Variants in GATA4 observed in about 807,000 individuals in gnomAD.
GATA4 encodes GATA binding protein 4.
In GATA4, 7 loss-of-function variants were observed where a neutral mutation model predicts 37.9. The observed-to-expected ratio is 0.18, with a 90% CI of 0.11 to 0.35. The LOEUF (loss-of-function observed/expected upper bound fraction) is 0.35, where lower values mean the gene tolerates loss of function less well. GATA4 is among the 10% of genes least tolerant of loss of function. GATA4 has a pLI of 1.00. For missense variants in GATA4, 647 were observed against 653.0 expected (o/e 0.99, Z 0.10); for synonymous variants, 372 against 292.6 (o/e 1.27, Z -2.77).
At chr8:11,747,069 G>C (rs1483062908) in intron 2 of GATA4, among the ~76,000 whole-genome samples, 1 of 152,198 alleles carries the variant, frequency 6.6e-6, no homozygotes, top group African/African-American at 2.4e-5. Context: ...GCTGGGTCCT[G>C]TTGGAAAGAG....
chr8:11,688,784 G>T (rs565772685), upstream of GATA4, among the ~76,000 whole-genome samples: 1 of 152,172 alleles, frequency 6.6e-6, no homozygotes, highest in African/African-American at 2.4e-5. Flanking sequence ...CAGAAAATAA[G>T]ACAAAGAATT....
chr8:11,711,694 A>C (rs1008170021), intron 2 of GATA4, among the ~76,000 whole-genome samples: 1 of 146,012 alleles, frequency 6.8e-6, no homozygotes, highest in Non-Finnish European at 1.5e-5. Flanking sequence ...GGAGGCTCAC[A>C]TGAGCCCGAG....
intron 2 of GATA4, among the ~76,000 whole-genome samples, chr8:11,732,179 T>A (rs1328519592): frequency 6.6e-6 from 1 of 152,236 alleles, no homozygotes; most frequent in African/African-American, 2.4e-5. Flanking sequence ...GCAAATCAGA[T>A]TGGATTAAAG....
intron 2 of GATA4, among the ~76,000 whole-genome samples, chr8:11,723,993 C>A (rs1800799460): frequency 6.6e-6 from 1 of 152,190 alleles, no homozygotes; most frequent in Non-Finnish European, 1.5e-5. Context: ...CCTCCAGCCT[C>A]AGGCAGCCCC....
chr8:11,680,386 C>A, intron 1 of GATA4: 1 of 712,634 alleles, frequency 1.4e-6, no homozygotes, highest in Non-Finnish European at 1.7e-6. Flanking sequence ...CCCTCGGATT[C>A]ATTGCCACTT....
At position 11,755,111 on chromosome 8, in the gene GATA4, G is replaced by T. The variant is rs939153862; in HGVS notation, c.978G>T (p.Leu326=). 2 of 1,614,006 alleles carry T rather than the reference G, an allele frequency of 1.2e-6. No homozygotes were observed. The highest frequency in any genetic ancestry group is 1.7e-6 in the Non-Finnish European group (2 of 1,179,908). ...IQTRKRKPKN[L]NKSKTPAAPS... is the part of the protein sequence containing the mutation. ...CCAGAAAACGGAAGCCCAAGAACCT[G>T]AATAAATCTAAGACACCAGCAGGTG... Residue 326 remains leucine, a synonymous_variant, in exon 5 of 7, where the codon CTG becomes CTT. Transcript: ENST00000532059.
chr8:11,698,017 G>A, intron 1 of GATA4: 2 of 985,362 alleles, frequency 2.0e-6, no homozygotes, highest in South Asian at 9.4e-5. Context: ...GGCAAGAGGA[G>A]CCCTGGACTC....
intron 4 of GATA4, among the ~76,000 whole-genome samples, chr8:11,752,244 T>G (rs1802338574): frequency 6.6e-6 from 1 of 152,070 alleles, no homozygotes; most frequent in Non-Finnish European, 1.5e-5. Flanking sequence ...GACAGACCAG[T>G]GGATGGGTGA....
chr8:11,732,316 G>C (rs897324795), intron 2 of GATA4, among the ~76,000 whole-genome samples: 1 of 152,130 alleles, frequency 6.6e-6, no homozygotes, highest in Non-Finnish European at 1.5e-5. Context: ...TATTGTCATC[G>C]AACTATTCTC....
intron 2 of GATA4, among the ~76,000 whole-genome samples, chr8:11,729,797 C>T (rs1801115727): frequency 1.3e-5 from 2 of 152,168 alleles, no homozygotes; most frequent in Admixed American, 6.5e-5. Flanking sequence ...ATGGTGGTTG[C>T]TCAATTCTGA....
At chr8:11,730,043 A>G (rs549097330) in intron 2 of GATA4, among the ~76,000 whole-genome samples, 1 of 152,138 alleles carries the variant, frequency 6.6e-6, no homozygotes, top group Non-Finnish European at 1.5e-5. Context: ...CTCACACCTC[A>G]GCCTCCTGAG....
chr8:11,748,556 T>G (rs1172663495), intron 2 of GATA4, among the ~76,000 whole-genome samples: 1 of 152,190 alleles, frequency 6.6e-6, no homozygotes, highest in Non-Finnish European at 1.5e-5. Context: ...TTACTAACTT[T>G]GAAAGGGAAA....
At chr8:11,750,346 A>G in intron 4 of GATA4, 110 bp downstream of exon 4, 1 of 1,476,026 alleles carries the variant, frequency 6.8e-7, no homozygotes, top group Non-Finnish European at 9.3e-7. Context: ...CTTAACAAAG[A>G]GACTTAGATT....
chr8:11,748,112 G>A (rs1043103414), intron 2 of GATA4, among the ~76,000 whole-genome samples: 17 of 152,168 alleles, frequency 1.1e-4, no homozygotes, highest in African/African-American at 4.1e-4. Context: ...TAGCTACTTC[G>A]GAGGCTGAGG....
chr8:11,750,165 A>T lies in GATA4; in HGVS notation c.841A>T (p.Thr281Ser), dbSNP rs1356876573. 1 of 1,613,806 alleles carries T rather than the reference A, an allele frequency of 6.2e-7. No individual in the cohort carries two copies. Among genetic ancestry groups the T allele is most frequent in the Admixed American group, 1.7e-5 (1 of 60,022 alleles). Residue 281 changes from threonine (T) to serine (S), a missense_variant, in exon 4 of 7, where the codon ACG becomes TCG. By Grantham distance (58) the Thr-to-Ser change is moderately conservative (BLOSUM62 1). Around this residue, in one of 5 missense-constraint regions of GATA4, gnomAD observed 56 missense variants for 64.5 expected, o/e 0.87. Coordinates refer to ENST00000532059, the MANE Select transcript of GATA4 (RefSeq NM_001308093.3). ...TGCCAACTGCCAGACCACCACCACC[A>T]CGCTGTGGCGCCGCAATGCGGAGGG... ...SCANCQTTTT[T>S]LWRRNAEGEP...
chr8:11,716,020 A>G (rs772334758), intron 2 of GATA4, among the ~76,000 whole-genome samples: 6 of 152,084 alleles, frequency 3.9e-5, no homozygotes, highest in Non-Finnish European at 5.9e-5. Flanking sequence ...TTCATGATTC[A>G]TCCATGTTGT....
At chr8:11,740,169 C>T (rs544551202) in intron 2 of GATA4, among the ~76,000 whole-genome samples, 58 of 152,150 alleles carry the variant, frequency 3.8e-4, no homozygotes, top group Non-Finnish European at 7.5e-4. Flanking sequence ...GTTGTCCTGG[C>T]CTCTTTCCTG....
At chr8:11,730,473 A>C (rs1295602749) in intron 2 of GATA4, among the ~76,000 whole-genome samples, 3 of 152,226 alleles carry the variant, frequency 2.0e-5, no homozygotes, top group African/African-American at 7.2e-5. Flanking sequence ...TAGAATGTGA[A>C]ACAGGGGGAT....
chr8:11,743,000 C>T (rs936055093), intron 2 of GATA4, among the ~76,000 whole-genome samples: 2 of 152,228 alleles, frequency 1.3e-5, no homozygotes, highest in Admixed American at 6.5e-5. Context: ...CCAAGAAAGC[C>T]TTCTGTGTTG....
Sources: gnomAD v4.1 joint callset for allele counts (sites outside exome capture counted in the v4.1 genomes callset) on GRCh38, gnomAD v4.1.1 for gene constraint, gnomAD v4.1.1 regional missense constraint, MANE v1.5 for transcripts, NCBI Gene and HGNC (gene_info 2026-07-23, HGNC 2026-07-21) for gene names.